The following CEP76 variants were observed in gnomAD, a reference collection of about 807,000 sequenced individuals.
CEP76 encodes the protein centrosomal protein 76.
CEP76 carries 55 observed loss-of-function variants against 83.3 expected under a neutral mutation model. The ratio of observed to expected loss-of-function variants is 0.66; its 90% CI spans 0.53 to 0.83. CEP76 has a LOEUF of 0.83. Ranked by LOEUF, CEP76 falls within the 40% of genes least tolerant of loss-of-function variation. The pLI, the probability that CEP76 is intolerant of heterozygous loss-of-function variation, is 0.00. For synonymous variants in CEP76, 270 were observed against 274.5 expected, an observed-to-expected ratio of 0.98 and a Z score of 0.16; for missense variants, 694 against 799.5, an observed-to-expected ratio of 0.87 and a Z score of 1.59.
chr18:12,697,156 TATAAA>T, intron 5 of CEP76, 62 bp downstream of exon 5: 1 of 1,152,700 alleles, frequency 8.7e-7, no homozygotes, highest in Non-Finnish European at 1.2e-6. Flanking sequence ...ATTTTAAAGA[TATAAA>T]ATATATTTAC....
intron 12 of CEP76, among the ~76,000 whole-genome samples, chr18:12,667,387 T>C (rs1171325574): frequency 1.3e-5 from 2 of 150,526 alleles, no homozygotes; most frequent in Non-Finnish European, 3.0e-5. Context: ...AGCCCAGGTG[T>C]TCAAGGCTGC....
chr18:12,673,113 G>T lies in CEP76; in HGVS notation c.*252C>A. 9.5e-7 allele frequency: 1 copy of T among 1,052,132 alleles called. No homozygotes were observed. The highest frequency in any genetic ancestry group is 1.2e-6 in the Non-Finnish European group (1 of 852,596). 65.2% of individuals were successfully genotyped at this position (1,052,132 alleles called of 1,614,324 possible). On this transcript the variant is annotated 3_prime_UTR_variant, in exon 12 of 12. Transcript: ENST00000262127. ...ACTACTGATAACTGTAAACAAAGTAGCATTTATTAAAATAGAATATACACT... is the reference window on the plus strand; with the variant it reads ...ACTACTGATAACTGTAAACAAAGTATCATTTATTAAAATAGAATATACACT...
At chr18:12,696,502 A>AAATAATAAT (rs35130356) in intron 5 of CEP76, among the ~76,000 whole-genome samples, 1 of 151,242 alleles carries the variant, frequency 6.6e-6, no homozygotes, top group African/African-American at 2.4e-5. Flanking sequence ...ACTCCATCTC[A>AAATAATAAT]AATAATAATA....
chr18:12,702,472 C>T lies in CEP76; in HGVS notation c.63+14G>A. On this transcript the variant is annotated intron_variant, in intron 1 of 11. Coordinates refer to ENST00000262127, the MANE Select transcript of CEP76 (RefSeq NM_024899.4). ...GTCGGCCCGGCGGTCTCTCCCAGCACCCGCGACTCTCACCTTGCTCAGCTG... is the reference window on the plus strand; with the variant it reads ...GTCGGCCCGGCGGTCTCTCCCAGCATCCGCGACTCTCACCTTGCTCAGCTG... The T allele has an allele frequency of 3.1e-6, 5 of 1,598,504 alleles. No homozygotes were observed. Among genetic ancestry groups the T allele is most frequent in the African/African-American group, 1.3e-5 (1 of 74,134 alleles).
downstream of CEP76, among the ~76,000 whole-genome samples, chr18:12,668,549 G>A (rs1004559888): frequency 4.8e-5 from 6 of 125,130 alleles, no homozygotes; most frequent in African/African-American, 1.5e-4. Context: ...AGGGAGCCAA[G>A]ATTGCACCAC....
intron 8 of CEP76, among the ~76,000 whole-genome samples, chr18:12,682,162 CT>C (rs754403028): frequency 0.01 from 1,515 of 149,648 alleles, 14 homozygotes; most frequent in Non-Finnish European, 0.014. Context: ...GAAGAAATTT[CT>C]TTTTTTTTTC....
At chr18:12,698,674 A>G (rs1408062617) in intron 4 of CEP76, 1 of 251,168 alleles carries the variant, frequency 4.0e-6, no homozygotes, top group Non-Finnish European at 7.6e-6. Context: ...ACCATGTCTC[A>G]TTTTCCACTA....
intron 12 of CEP76, chr18:12,662,310 C>T (rs1297459787): frequency 2.2e-5 from 8 of 363,010 alleles, no homozygotes; most frequent in Non-Finnish European, 4.3e-5. Flanking sequence ...TTCAGTTATA[C>T]AACTTGAAGG....
intron 6 of CEP76, 117 bp from the exon 7 acceptor site, chr18:12,691,604 A>T: frequency 1.5e-6 from 1 of 687,032 alleles, no homozygotes; most frequent in Non-Finnish European, 2.3e-6. Context: ...AGTCATCATC[A>T]TCTTCTATAA....
intron 10 of CEP76, 35 bp downstream of exon 10, chr18:12,678,073 GA>G: frequency 6.6e-7 from 1 of 1,516,620 alleles, no homozygotes; most frequent in Non-Finnish European, 9.1e-7. Context: ...TAAATGAAAA[GA>G]AGTATGAAAC....
intron 11 of CEP76, 102 bp downstream of exon 11, chr18:12,674,434 C>T (rs1471106243): frequency 2.4e-6 from 2 of 816,760 alleles, no homozygotes; most frequent in African/African-American, 1.8e-5. Flanking sequence ...AGAGCAAGAC[C>T]TTGAGTTAAA....
At chr18:12,682,760 T>C (rs1252341307) in intron 8 of CEP76, among the ~76,000 whole-genome samples, 1 of 151,998 alleles carries the variant, frequency 6.6e-6, no homozygotes, top group Non-Finnish European at 1.5e-5. Flanking sequence ...TAGCTAGGAC[T>C]ACAGGCGTGC....
chr18:12,686,078 T>C (rs756944924), intron 8 of CEP76, 184 bp downstream of exon 8: 131 of 486,778 alleles, frequency 2.7e-4, no homozygotes, highest in Admixed American at 1.8e-3. Context: ...TTTTTTATTA[T>C]TGTAATTTTT....
At chr18:12,700,453 C>T (rs1598668882) in intron 2 of CEP76, 1 of 152,928 alleles carries the variant, frequency 6.5e-6, no homozygotes, top group African/African-American at 2.4e-5. Flanking sequence ...TGAAGGCCTA[C>T]TTACTAATTG....
At chr18:12,697,500 C>G in intron 4 of CEP76, 92 bp from the exon 5 acceptor site, 1 of 885,910 alleles carries the variant, frequency 1.1e-6, no homozygotes, top group Non-Finnish European at 1.6e-6. Flanking sequence ...AAATAATAAG[C>G]TTATATAAAA....
chr18:12,674,472 C>A (rs1055889514), intron 11 of CEP76, 64 bp downstream of exon 11: 36 of 1,179,630 alleles, frequency 3.1e-5, no homozygotes, highest in South Asian at 1.9e-4. Context: ...ATTAAAAAAA[C>A]CCCTGCCGGA....
intron 8 of CEP76, among the ~76,000 whole-genome samples, chr18:12,683,940 T>G (rs1270882729): frequency 6.6e-6 from 1 of 151,218 alleles, no homozygotes; most frequent in African/African-American, 2.4e-5. Flanking sequence ...AGGTAAAGTT[T>G]CACCATTACT....
intron 12 of CEP76, among the ~76,000 whole-genome samples, chr18:12,666,698 C>G (rs1194124860): frequency 6.6e-6 from 1 of 151,620 alleles, no homozygotes; most frequent in Non-Finnish European, 1.5e-5. Context: ...ATCTACCTGC[C>G]TTGGCCTCCT....
At position 12,673,297 on chromosome 18, in the gene CEP76, A is replaced by G; in HGVS notation, c.*68T>C. Reference sequence around the variant, plus strand: ...ATTTTAAAATAACAAACCTCTAAATAGCTAAGTAATGTACAATGTGTAAAA... The same window carrying G: ...ATTTTAAAATAACAAACCTCTAAATGGCTAAGTAATGTACAATGTGTAAAA... On this transcript the variant is annotated 3_prime_UTR_variant, in exon 12 of 12. Transcript: ENST00000262127. 1 of 1,522,174 alleles carries G rather than the reference A, an allele frequency of 6.6e-7. No individual in the cohort carries two copies. Among genetic ancestry groups the G allele is most frequent in the Non-Finnish European group, 8.7e-7 (1 of 1,143,092 alleles). The allele number at this position is 1,522,174 out of a possible 1,614,324, so 94.3% of individuals were successfully genotyped here.
Sources: gnomAD v4.1 joint callset for allele counts (sites outside exome capture counted in the v4.1 genomes callset) on GRCh38, gnomAD v4.1.1 for gene constraint, MANE v1.5 for transcripts, NCBI Gene and HGNC (gene_info 2026-07-23, HGNC 2026-07-21) for gene names.